The following POU6F2 variants were observed in gnomAD, a reference collection of about 807,000 sequenced individuals.
The protein encoded by POU6F2 is POU domain, class 6, transcription factor 2.
In POU6F2, 31 loss-of-function variants were observed where a neutral mutation model predicts 71.3. The ratio of observed to expected loss-of-function variants is 0.43; its 90% CI spans 0.33 to 0.59. The LOEUF (loss-of-function observed/expected upper bound fraction) is 0.59, where lower values mean the gene tolerates loss of function less well. Ranked by LOEUF, POU6F2 falls within the 20% of genes least tolerant of loss-of-function variation. POU6F2 has a pLI of 0.04. For synonymous variants in POU6F2, 347 were observed against 355.7 expected (o/e 0.98, Z 0.27); for missense variants, 783 against 856.8 (o/e 0.91, Z 1.07).
intron 7 of POU6F2, among the ~76,000 whole-genome samples, chr7:39,449,669 T>G (rs977614290): frequency 6.6e-6 from 1 of 152,142 alleles, no homozygotes; most frequent in Admixed American, 6.5e-5. Context: ...ACACCTTTAT[T>G]CATCATAGCC....
chr7:39,077,737 A>G (rs370382388), intron 1 of POU6F2, among the ~76,000 whole-genome samples: 1 of 152,118 alleles, frequency 6.6e-6, no homozygotes, highest in Non-Finnish European at 1.5e-5. Context: ...GAAATCCTAT[A>G]TTTGCTGTAT....
At chr7:39,130,801 C>A (rs1294465033) in intron 2 of POU6F2, among the ~76,000 whole-genome samples, 1 of 152,036 alleles carries the variant, frequency 6.6e-6, no homozygotes, top group African/African-American at 2.4e-5. Flanking sequence ...TCAGTCACCC[C>A]AAATGAACAA....
chr7:39,018,825 A>G (rs929917697), intron 1 of POU6F2, among the ~76,000 whole-genome samples: 1 of 152,134 alleles, frequency 6.6e-6, no homozygotes, highest in Non-Finnish European at 1.5e-5. Context: ...GGAGCAGAGC[A>G]TTTTTCACTT....
chr7:39,152,781 G>T (rs1469314423), intron 2 of POU6F2, among the ~76,000 whole-genome samples: 1 of 152,120 alleles, frequency 6.6e-6, no homozygotes, highest in Non-Finnish European at 1.5e-5. Flanking sequence ...GGAAAGTAAG[G>T]TTTAAATTTC....
At position 39,466,028 on chromosome 7, in the gene POU6F2, C is replaced by G. The variant is rs1789063409; in HGVS notation, c.*1342C>G. On this transcript the variant is annotated 3_prime_UTR_variant, in exon 10 of 10. Coordinates refer to ENST00000518318, the MANE Select transcript of POU6F2 (RefSeq NM_001370959.1). Reference sequence around the variant, plus strand: ...TGGATCATTAAAGGCCATCGTGTATCCTGTTAATCTCATCTTTTCTGCTAC... The same window carrying G: ...TGGATCATTAAAGGCCATCGTGTATGCTGTTAATCTCATCTTTTCTGCTAC... 6.6e-6 allele frequency: 1 copy of G among 152,200 alleles called. No homozygotes were observed. The highest frequency in any genetic ancestry group is 2.1e-4 in the South Asian group (1 of 4,838). 9.4% of individuals were successfully genotyped at this position (152,200 alleles called of 1,614,324 possible). A position where few individuals can be genotyped will look rare whatever the true frequency, so the allele number is the denominator to read the frequency against.
intron 2 of POU6F2, among the ~76,000 whole-genome samples, chr7:39,156,987 C>T (rs991683197): frequency 6.6e-6 from 1 of 152,176 alleles, no homozygotes; most frequent in African/African-American, 2.4e-5. Context: ...TTTGTTTCTA[C>T]TGCAAACAAA....
intron 6 of POU6F2, among the ~76,000 whole-genome samples, chr7:39,418,975 G>GTATATATATATA: frequency 7.1e-6 from 1 of 140,336 alleles, no homozygotes; most frequent in Middle Eastern, 3.7e-3. Context: ...GTGTATATAT[G>GTATATATATATA]TATATATATG....
In POU6F2 at chr7:39,460,845, C is replaced by G. The variant is rs1788932183; in HGVS notation, c.1658+130C>G. The G allele has an allele frequency of 1.8e-6, 2 of 1,124,552 alleles. No individual in the cohort carries two copies. Among genetic ancestry groups the G allele is most frequent in the Non-Finnish European group, 2.4e-6 (2 of 826,068 alleles). 69.7% of individuals were successfully genotyped at this position (1,124,552 alleles called of 1,614,324 possible). A position where few individuals can be genotyped will look rare whatever the true frequency, so the allele number is the denominator to read the frequency against. ...GAGTGGGAACAAAGTTTGGGGGCAG[C>G]TATATGTTGGGATTGGTGATCTTGA... On this transcript the variant is annotated intron_variant, in intron 9 of 9. Transcript: ENST00000518318. The surrounding 1 kb of genome is among the most constrained non-coding windows in gnomAD (Gnocchi z 4.4).
intron 4 of POU6F2, among the ~76,000 whole-genome samples, chr7:39,225,181 CT>C (rs1001693516): frequency 8.7e-5 from 13 of 149,566 alleles, no homozygotes; most frequent in Admixed American, 1.3e-4. Context: ...AATAAACTTT[CT>C]TTTTTTTTTG....
At chr7:39,309,914 G>A (rs1444420398) in intron 4 of POU6F2, among the ~76,000 whole-genome samples, 1 of 152,160 alleles carries the variant, frequency 6.6e-6, no homozygotes, top group Non-Finnish European at 1.5e-5. Flanking sequence ...AATGCACAGG[G>A]CCTAATTCTC....
intron 1 of POU6F2, among the ~76,000 whole-genome samples, chr7:39,029,492 GA>G (rs796670504): frequency 0.015 from 1,399 of 94,032 alleles, 21 homozygotes; most frequent in African/African-American, 0.042. Flanking sequence ...ACATTTCTGG[GA>G]GGGGGGGGTG....
chr7:39,106,132 G>A (rs1053174706), intron 2 of POU6F2, among the ~76,000 whole-genome samples: 6 of 152,160 alleles, frequency 3.9e-5, no homozygotes, highest in African/African-American at 9.7e-5. Flanking sequence ...CTACACACTC[G>A]GCTTTACTGT....
intron 1 of POU6F2, among the ~76,000 whole-genome samples, chr7:39,075,052 C>CCGTGGCGTT (rs1790970080): frequency 6.6e-6 from 1 of 152,098 alleles, no homozygotes; most frequent in African/African-American, 2.4e-5. Flanking sequence ...CACTCTGGCA[C>CCGTGGCGTT]CGTGGGACTG....
chr7:39,061,534 G>T (rs1220813392), intron 1 of POU6F2, among the ~76,000 whole-genome samples: 2 of 152,032 alleles, frequency 1.3e-5, no homozygotes, highest in Non-Finnish European at 2.9e-5. Flanking sequence ...TCATGCAACT[G>T]GTCATTTGGA....
intron 4 of POU6F2, among the ~76,000 whole-genome samples, chr7:39,222,758 AAAT>A (rs1379180696): frequency 1.3e-5 from 2 of 152,232 alleles, no homozygotes; most frequent in Non-Finnish European, 1.5e-5. Context: ...TTTGAAGACT[AAAT>A]AATATTCCAT....
chr7:39,315,022 C>T (rs548960060), intron 4 of POU6F2, among the ~76,000 whole-genome samples: 5 of 152,302 alleles, frequency 3.3e-5, no homozygotes, highest in South Asian at 2.1e-4. Flanking sequence ...CACTGTTACA[C>T]GTAACATTTC....
intron 4 of POU6F2, among the ~76,000 whole-genome samples, chr7:39,212,063 G>A (rs1455408633): frequency 6.6e-6 from 1 of 152,156 alleles, no homozygotes; most frequent in Non-Finnish European, 1.5e-5. Context: ...TTACCATGAG[G>A]CTGAGCCTTT....
At chr7:39,037,113 G>A (rs1302815159) in intron 1 of POU6F2, among the ~76,000 whole-genome samples, 1 of 151,912 alleles carries the variant, frequency 6.6e-6, no homozygotes, top group African/African-American at 2.4e-5. Context: ...GAGGCCTTTT[G>A]GGGAGGGTGA....
chr7:38,978,302 T>C (rs74625022), intron 1 of POU6F2, among the ~76,000 whole-genome samples: 5,582 of 152,260 alleles, frequency 0.037, 267 homozygotes, highest in East Asian at 0.24. Flanking sequence ...GGAGAATAAA[T>C]CTAATTTATA....
Sources: gnomAD v4.1 joint callset for allele counts (sites outside exome capture counted in the v4.1 genomes callset) on GRCh38, gnomAD v4.1.1 for gene constraint, Gnocchi (gnomAD v3.1) non-coding constraint, MANE v1.5 for transcripts, NCBI Gene and HGNC (gene_info 2026-07-23, HGNC 2026-07-21) for gene names.